MAX: variants seen among roughly 807,000 people sequenced by gnomAD.
MAX encodes the protein MYC associated transcriptional regulator X, also known as protein max.
MAX carries 3 observed loss-of-function variants against 22.3 expected under a neutral mutation model. The observed-to-expected ratio is 0.13, with a 90% CI of 0.06 to 0.35. The LOEUF (loss-of-function observed/expected upper bound fraction) is 0.35. Ranked by LOEUF, MAX falls within the 10% of genes least tolerant of loss-of-function variation. MAX has a pLI of 1.00. For synonymous variants in MAX, 72 were observed against 77.7 expected, an observed-to-expected ratio of 0.93 and a Z score of 0.39; for missense variants, 119 against 209.4, an observed-to-expected ratio of 0.57 and a Z score of 2.66.
Position 65,076,163 on chromosome 14 carries a change from G to T in MAX, c.*313C>A. The T allele has an allele frequency of 7.3e-7, 1 of 1,370,590 alleles. No homozygotes were observed. The highest frequency in any genetic ancestry group is 2.8e-4 in the Middle Eastern group (1 of 3,634). The allele number at this position is 1,370,590 out of a possible 1,614,324, so 84.9% of individuals were successfully genotyped here. A position where few individuals can be genotyped will look rare whatever the true frequency, so the allele number is the denominator to read the frequency against. ...TGGTAGGGTGGGCAGGACACTATGT[G>T]CTCAGAGGTCCGGCCGGCCGTCTGT... On this transcript the variant is annotated 3_prime_UTR_variant, in exon 5 of 5. Transcript: ENST00000358664. This position sits in a 1 kb window ranked among gnomAD's most constrained non-coding sequence, Gnocchi z 6.6.
At chr14:65,006,176 C>G (rs1407861501) in exon 4 of MAX, 1 of 1,564,054 alleles carries the variant, frequency 6.4e-7, no homozygotes, top group African/African-American at 1.4e-5. Flanking sequence ...TTTTTTTTGC[C>G]ACCATTTCCT....
Position 65,069,163 on chromosome 14 carries a change from G to A in MAX, c.171+24545C>T, listed in dbSNP as rs1388185097. On this transcript the variant is annotated intron_variant, in intron 3 of 3. Coordinates refer to the MAX transcript ENST00000341653. This position sits in a 1 kb window ranked among gnomAD's most constrained non-coding sequence, Gnocchi z 4.6. ...TGGCTGCCATGTGCCTGGATACCAA[G>A]GGACCAGTGAAAGTGGTGGAATAGA... 1.3e-5 allele frequency among the ~76,000 whole-genome samples: 2 copies of A among 152,192 alleles called. No homozygotes were observed. Among genetic ancestry groups the A allele is most frequent in the Non-Finnish European group, 2.9e-5 (2 of 68,038 alleles).
chr14:65,013,058 C>T (rs939891941), intron 3 of MAX, among the ~76,000 whole-genome samples: 3 of 152,160 alleles, frequency 2.0e-5, no homozygotes, highest in African/African-American at 7.2e-5. Context: ...TGAATGTGAA[C>T]AGGAAGTCTC....
In MAX at chr14:65,030,847, GC is replaced by G. The variant is rs1294914298; in HGVS notation, c.172-24564del. On this transcript the variant is annotated intron_variant, in intron 3 of 3. Transcript: ENST00000341653. The surrounding 1 kb of genome is among the most constrained non-coding windows in gnomAD (Gnocchi z 4.5). ...TTTTGAGATGGAGTTTCTTTCTGTT[GC>G]CCAGGCAGGAGCGCAGTGGTGGGAT... 6.6e-6 allele frequency among the ~76,000 whole-genome samples: 1 copy of G among 152,036 alleles called. No homozygotes were observed. The highest frequency in any genetic ancestry group is 1.5e-5 in the Non-Finnish European group (1 of 68,010).
In MAX at chr14:65,012,234, C is replaced by CCGTGTGTGTGTACGTGCACATA; in HGVS notation, c.172-5972_172-5951dup. On this transcript the variant is annotated intron_variant, in intron 3 of 3. Transcript: ENST00000341653. The surrounding 1 kb of genome is among the most constrained non-coding windows in gnomAD (Gnocchi z 5.0). ...GGACGTCCTGAAGCTGAGTGTTTAC[C>CCGTGTGTGTGTACGTGCACATA]CGTGTGTGTGTACGTGCACATACGT... 1 of 1,540,444 alleles carries CCGTGTGTGTGTACGTGCACATA rather than the reference C, an allele frequency of 6.5e-7. No homozygotes were observed. Among genetic ancestry groups the CCGTGTGTGTGTACGTGCACATA allele is most frequent in the Non-Finnish European group, 8.9e-7 (1 of 1,117,326 alleles).
At chr14:65,063,287 C>T (rs2062896782) in intron 3 of MAX, among the ~76,000 whole-genome samples, 1 of 152,210 alleles carries the variant, frequency 6.6e-6, no homozygotes, top group South Asian at 2.1e-4. Flanking sequence ...CTTTCCATCA[C>T]TATAACAAAA....
chr14:65,021,791 G>A (rs1192394626), intron 3 of MAX, among the ~76,000 whole-genome samples: 3 of 152,162 alleles, frequency 2.0e-5, no homozygotes, highest in South Asian at 4.1e-4. Flanking sequence ...GACTACGGGC[G>A]CATGCCACTA....
intron 3 of MAX, among the ~76,000 whole-genome samples, chr14:65,033,889 A>G (rs2062137090): frequency 6.6e-6 from 1 of 152,204 alleles, no homozygotes; most frequent in Non-Finnish European, 1.5e-5. Flanking sequence ...GTAGACACAT[A>G]TATACTATGA....
chr14:65,053,254 C>A, intron 3 of MAX: 1 of 1,424,052 alleles, frequency 7.0e-7, no homozygotes, highest in Admixed American at 2.5e-5. Context: ...CTGCCCTTAG[C>A]ATGAGCCACT....
At position 65,084,210 on chromosome 14, in the gene MAX, T is replaced by C. The variant is rs1194996194; in HGVS notation, c.172-6174A>G. The C allele has an allele frequency of 6.2e-7, 1 of 1,614,118 alleles. No individual in the cohort carries two copies. Among genetic ancestry groups the C allele is most frequent in the Admixed American group, 1.7e-5 (1 of 60,028 alleles). ...TCTTGCATTCTTTTTTCTTGTGCACTTGGTAGCTTGAAATGAAGGTGTGGC... is the reference window on the plus strand; with the variant it reads ...TCTTGCATTCTTTTTTCTTGTGCACCTGGTAGCTTGAAATGAAGGTGTGGC... On this transcript the variant is annotated intron_variant, in intron 3 of 4. Transcript: ENST00000358664. This position sits in a 1 kb window ranked among gnomAD's most constrained non-coding sequence, Gnocchi z 4.3.
chr14:65,064,282 T>G (rs2062909065), intron 3 of MAX, among the ~76,000 whole-genome samples: 1 of 152,196 alleles, frequency 6.6e-6, no homozygotes, highest in Admixed American at 6.5e-5. Context: ...TGGCATTTAC[T>G]GCCTTTGAAT....
rs1595099296 is a variant in MAX at position 65,054,522 on chromosome 14, G to T, written c.171+39186C>A. 1.3e-6 allele frequency: 2 copies of T among 1,551,460 alleles called. No individual in the cohort carries two copies. The highest frequency in any genetic ancestry group is 1.8e-6 in the Non-Finnish European group (2 of 1,139,322). The stretch of plus-strand genomic sequence containing the variant: ...TCTCTGAATTGGTGTGGCTACATTT[G>T]TAGATGTGTGCGGAGCAGAGGAGCG... On this transcript the variant is annotated intron_variant, in intron 3 of 3. Transcript: ENST00000341653. This position sits in a 1 kb window ranked among gnomAD's most constrained non-coding sequence, Gnocchi z 4.4.
chr14:65,037,402 C>CTTTTTTTTTTTTTTTTTTTTT (rs765037575), intron 3 of MAX, among the ~76,000 whole-genome samples: 4 of 14,536 alleles, frequency 2.8e-4, no homozygotes, highest in South Asian at 3.0e-3. Context: ...CACGCCGGGC[C>CTTTTTTTTTTTTTTTTTTTTT]CTTTTTTTTT....
chr14:65,089,756 T>TAAAAAAAAA lies in MAX; in HGVS notation c.171+3943_171+3951dup, dbSNP rs55883101. On this transcript the variant is annotated intron_variant, in intron 3 of 4. Coordinates refer to ENST00000358664, the MANE Select transcript of MAX (RefSeq NM_002382.5). Reference sequence around the variant, plus strand: ...ACTTTCTATAAAAGTAGCATCTCTGTAAAAAAAAAAAAAAAAAAAAAAAAA... The same window carrying TAAAAAAAAA: ...ACTTTCTATAAAAGTAGCATCTCTGTAAAAAAAAAAAAAAAAAAAAAAAAAAAAAAAAAA... 8.3e-5 allele frequency among the ~76,000 whole-genome samples: 3 copies of TAAAAAAAAA among 36,138 alleles called. 1 individual carries two copies. Among genetic ancestry groups the TAAAAAAAAA allele is most frequent in the Non-Finnish European group, 1.7e-4 (3 of 17,198 alleles). The allele number at this position is 36,138 out of a possible 152,430, so 23.7% of individuals were successfully genotyped here.
intron 3 of MAX, among the ~76,000 whole-genome samples, chr14:65,041,993 G>C (rs1476851219): frequency 6.6e-6 from 1 of 152,028 alleles, no homozygotes; most frequent in Non-Finnish European, 1.5e-5. Flanking sequence ...ATCTCTTTTA[G>C]CTTGATATTT....
intron 3 of MAX, among the ~76,000 whole-genome samples, chr14:65,043,828 C>CAAAAAAAAAAAAA (rs749243788): frequency 7.8e-5 from 5 of 64,244 alleles, no homozygotes; most frequent in African/African-American, 2.9e-4. Context: ...GACTCCGTCT[C>CAAAAAAAAAAAAA]AAAAAAAAAA....
At position 65,076,962 on chromosome 14, in the gene MAX, G is replaced by C. The variant is rs2063075615; in HGVS notation, c.296-299C>G. 1.8e-6 allele frequency: 1 copy of C among 558,818 alleles called. No homozygotes were observed. The highest frequency in any genetic ancestry group is 3.2e-6 in the Non-Finnish European group (1 of 312,342). 34.6% of individuals were successfully genotyped at this position (558,818 alleles called of 1,614,324 possible). A position where few individuals can be genotyped will look rare whatever the true frequency, so the allele number is the denominator to read the frequency against. The stretch of plus-strand genomic sequence containing the variant: ...GCCCCGTGGAGAGACTGGAGCGTGA[G>C]CTCCCTGTGGGATTCAGCAGTGCAA... On this transcript the variant is annotated intron_variant, in intron 4 of 4. Transcript: ENST00000358664. This position sits in a 1 kb window ranked among gnomAD's most constrained non-coding sequence, Gnocchi z 6.6.
chr14:65,053,409 A>C, intron 3 of MAX: 1 of 1,270,222 alleles, frequency 7.9e-7, no homozygotes, highest in Non-Finnish European at 1.0e-6. Flanking sequence ...AGGGGCGTGC[A>C]CCTCAGGCCT....
At chr14:65,025,983 C>T (rs979940064) in intron 3 of MAX, among the ~76,000 whole-genome samples, 1 of 152,232 alleles carries the variant, frequency 6.6e-6, no homozygotes, top group Non-Finnish European at 1.5e-5. Flanking sequence ...TTTGCTTTCT[C>T]TGCCCGGATA....
Sources: gnomAD v4.1 joint callset for allele counts (sites outside exome capture counted in the v4.1 genomes callset) on GRCh38, gnomAD v4.1.1 for gene constraint, Gnocchi (gnomAD v3.1) non-coding constraint, MANE v1.5 for transcripts, NCBI Gene and HGNC (gene_info 2026-07-23, HGNC 2026-07-21) for gene names.